The following C17orf99 variants were observed in gnomAD, a reference collection of about 807,000 sequenced individuals.
C17orf99 encodes the protein protein IL-40.
C17orf99 carries 18 observed loss-of-function variants against 22.6 expected under a neutral mutation model. The ratio of observed to expected loss-of-function variants is 0.80; its 90% CI spans 0.55 to 1.18. The LOEUF is 1.18. C17orf99 is among the 50% of genes most tolerant of loss of function. C17orf99 has a pLI of 0.00. For synonymous variants in C17orf99, 147 were observed against 136.6 expected (o/e 1.08, Z -0.53); for missense variants, 328 against 342.7 (o/e 0.96, Z 0.34).
intron 2 of C17orf99, among the ~76,000 whole-genome samples, chr17:78,154,601 G>GT (rs57946184): frequency 6.8e-5 from 7 of 103,204 alleles, no homozygotes; most frequent in Non-Finnish European, 1.4e-4. Context: ...CCAGCACTTT[G>GT]GGGGGCTGAG....
At chr17:78,159,491 T>A (rs937056434) in intron 2 of C17orf99, among the ~76,000 whole-genome samples, 1 of 151,116 alleles carries the variant, frequency 6.6e-6, no homozygotes, top group African/African-American at 2.4e-5. Flanking sequence ...ATACAAAAAT[T>A]AGCCAGGCGT....
At chr17:78,157,931 A>C (rs1345687956) in intron 2 of C17orf99, 2 of 1,168,596 alleles carry the variant, frequency 1.7e-6, no homozygotes, top group Non-Finnish European at 2.5e-6. Flanking sequence ...TGGTACTGAC[A>C]TCTTTACTGG....
Position 78,166,108 on chromosome 17 carries a change from G to A in C17orf99, c.*62G>A, listed in dbSNP as rs1233463549. The A allele has an allele frequency of 1.1e-4, 39 of 366,662 alleles. No individual in the cohort carries two copies. The highest frequency in any genetic ancestry group is 1.7e-5 in the Non-Finnish European group (4 of 231,944). The allele number at this position is 366,662 out of a possible 1,614,324, so 22.7% of individuals were successfully genotyped here. A position where few individuals can be genotyped will look rare whatever the true frequency, so the allele number is the denominator to read the frequency against. On this transcript the variant is annotated 3_prime_UTR_variant, in exon 5 of 5. Transcript: ENST00000340363. ...TGCAGGCCATCAGCGTGCACTGTTC[G>A]TATTTGGAGTTCATGCAAAATGAGT...
chr17:78,153,203 G>T (rs1018237726), intron 2 of C17orf99, among the ~76,000 whole-genome samples: 2 of 152,114 alleles, frequency 1.3e-5, no homozygotes, highest in African/African-American at 4.8e-5. Flanking sequence ...GTGAGTGTGC[G>T]GCCGGGGACG....
chr17:78,149,257 G>C (rs548705636), intron 2 of C17orf99, among the ~76,000 whole-genome samples: 1 of 147,960 alleles, frequency 6.8e-6, no homozygotes, highest in Non-Finnish European at 1.5e-5. Context: ...CCTTGAACCC[G>C]GCAGGCGGAG....
intron 2 of C17orf99, among the ~76,000 whole-genome samples, chr17:78,149,327 G>T: frequency 1.1e-5 from 1 of 91,516 alleles, no homozygotes; most frequent in Non-Finnish European, 1.9e-5. Context: ...GAGAGACTCT[G>T]CCTCAAAAAA....
At chr17:78,155,790 A>G (rs1253837116) in intron 2 of C17orf99, among the ~76,000 whole-genome samples, 4 of 151,626 alleles carry the variant, frequency 2.6e-5, no homozygotes, top group African/African-American at 9.7e-5. Flanking sequence ...CCATGCCCAG[A>G]TAATTTTTGT....
At chr17:78,159,292 G>A (rs1358846484) in intron 2 of C17orf99, among the ~76,000 whole-genome samples, 2 of 152,098 alleles carry the variant, frequency 1.3e-5, no homozygotes, top group African/African-American at 4.8e-5. Flanking sequence ...AGCTGAGATC[G>A]TGCTACTGCA....
chr17:78,162,296 C>T (rs1167931619), intron 3 of C17orf99, among the ~76,000 whole-genome samples: 4 of 144,456 alleles, frequency 2.8e-5, no homozygotes, highest in Non-Finnish European at 6.0e-5. Context: ...AAAAAAAAGT[C>T]GCCCCAGGCC....
At chr17:78,154,462 C>T (rs1433885934) in intron 2 of C17orf99, among the ~76,000 whole-genome samples, 1 of 151,646 alleles carries the variant, frequency 6.6e-6, no homozygotes, top group African/African-American at 2.4e-5. Flanking sequence ...GCAGGAGAAT[C>T]GCTTGAACCC....
chr17:78,149,998 C>T (rs1018954629), intron 2 of C17orf99, among the ~76,000 whole-genome samples: 8 of 151,214 alleles, frequency 5.3e-5, no homozygotes, highest in African/African-American at 9.8e-5. Flanking sequence ...CGAGAGCCAC[C>T]ACGCCCGGAA....
At chr17:78,151,253 T>A (rs1415113343) in intron 2 of C17orf99, among the ~76,000 whole-genome samples, 7 of 150,714 alleles carry the variant, frequency 4.6e-5, no homozygotes, top group African/African-American at 1.7e-4. Context: ...GCGGAAACCC[T>A]GTCTCTACTA....
intron 2 of C17orf99, chr17:78,158,128 C>T: frequency 1.2e-6 from 1 of 838,418 alleles, no homozygotes. Context: ...AGAAGTACAG[C>T]TGTGGAGAAG....
In C17orf99 at chr17:78,146,752, T is replaced by A; in HGVS notation, c.38-127T>A. 2 of 892,376 alleles carry A rather than the reference T, an allele frequency of 2.2e-6. 1 individual carries two copies. The highest frequency in any genetic ancestry group is 5.4e-5 in the East Asian group (2 of 37,274). The allele number at this position is 892,376 out of a possible 1,614,324, so 55.3% of individuals were successfully genotyped here. A position where few individuals can be genotyped will look rare whatever the true frequency, so the allele number is the denominator to read the frequency against. On this transcript the variant is annotated intron_variant, in intron 1 of 4. Coordinates refer to ENST00000340363, the MANE Select transcript of C17orf99 (RefSeq NM_001163075.2). The surrounding 1 kb of genome is among the most constrained non-coding windows in gnomAD (Gnocchi z 5.2). ...TTTGTGAGTGATGGTGCCAGCTGAG[T>A]CCTGGGGCCTCACTACCAAGAATCA...
intron 2 of C17orf99, among the ~76,000 whole-genome samples, chr17:78,155,995 A>G (rs1040374716): frequency 6.6e-6 from 1 of 151,916 alleles, no homozygotes; most frequent in Non-Finnish European, 1.5e-5. Flanking sequence ...TCAAACCCCT[A>G]TTCCAGAAAC....
At chr17:78,158,090 G>A in intron 2 of C17orf99, 1 of 984,272 alleles carries the variant, frequency 1.0e-6, no homozygotes, top group East Asian at 2.9e-5. Context: ...TCGTCTGCAT[G>A]AGGGAGACCT....
At position 78,166,104 on chromosome 17, in the gene C17orf99, G is replaced by T; in HGVS notation, c.*58G>T. 5.0e-6 allele frequency: 2 copies of T among 403,688 alleles called. No individual in the cohort carries two copies. Among genetic ancestry groups the T allele is most frequent in the Admixed American group, 6.5e-5 (1 of 15,494 alleles). The allele number at this position is 403,688 out of a possible 1,614,324, so 25.0% of individuals were successfully genotyped here. A position where few individuals can be genotyped will look rare whatever the true frequency, so the allele number is the denominator to read the frequency against. Reference sequence around the variant, plus strand: ...GGACTGCAGGCCATCAGCGTGCACTGTTCGTATTTGGAGTTCATGCAAAAT... The same window carrying T: ...GGACTGCAGGCCATCAGCGTGCACTTTTCGTATTTGGAGTTCATGCAAAAT... On this transcript the variant is annotated 3_prime_UTR_variant, in exon 5 of 5. Coordinates refer to ENST00000340363, the MANE Select transcript of C17orf99 (RefSeq NM_001163075.2).
chr17:78,146,479 G>A lies in C17orf99; in HGVS notation c.37+35G>A, dbSNP rs1315581907. ...CCAGGGACGTGATGGTGGGGCTGCT[G>A]CTGGGGCCTTGAGGTCTTGGGCTCA... is the stretch of plus-strand genomic sequence containing the variant. On this transcript the variant is annotated intron_variant, in intron 1 of 4. Coordinates refer to ENST00000340363, the MANE Select transcript of C17orf99 (RefSeq NM_001163075.2). This position sits in a 1 kb window ranked among gnomAD's most constrained non-coding sequence, Gnocchi z 5.2. 6.5e-7 allele frequency: 1 copy of A among 1,546,468 alleles called. No individual in the cohort carries two copies. Among genetic ancestry groups the A allele is most frequent in the Non-Finnish European group, 8.7e-7 (1 of 1,144,928 alleles).
chr17:78,157,930 C>A, intron 2 of C17orf99: 1 of 1,142,814 alleles, frequency 8.8e-7, no homozygotes, highest in Non-Finnish European at 1.3e-6. Context: ...TTGGTACTGA[C>A]ATCTTTACTG....
Sources: allele counts gnomAD v4.1 joint callset (sites outside exome capture counted in the v4.1 genomes callset), GRCh38; gene constraint gnomAD v4.1.1; non-coding constraint Gnocchi (gnomAD v3.1); transcripts MANE v1.5; gene names NCBI Gene and HGNC (gene_info 2026-07-23, HGNC 2026-07-21).